SPATS2L: variants seen among roughly 807,000 people sequenced by gnomAD.
SPATS2L encodes the protein SPATS2-like protein.
In SPATS2L, 30 loss-of-function variants were observed where a neutral mutation model predicts 59.6. The ratio of observed to expected loss-of-function variants is 0.50; its 90% CI spans 0.38 to 0.68. The LOEUF is 0.68. SPATS2L is among the 30% of genes least tolerant of loss of function. The probability of loss-of-function intolerance (pLI) is 0.00; values close to 1 mark genes in which losing one functional copy is unlikely to be tolerated. For synonymous variants in SPATS2L, 252 were observed against 263.5 expected (o/e 0.96, Z 0.42); for missense variants, 615 against 700.0 (o/e 0.88, Z 1.37).
At chr2:200,328,926 A>G (rs1422761689) in intron 1 of SPATS2L, among the ~76,000 whole-genome samples, 2 of 152,216 alleles carry the variant, frequency 1.3e-5, no homozygotes, top group Non-Finnish European at 2.9e-5. Context: ...ATTTTGGTGA[A>G]TAGTCCAGGC....
intron 4 of SPATS2L, among the ~76,000 whole-genome samples, chr2:200,415,404 T>G (rs773094047): frequency 8.5e-5 from 13 of 152,288 alleles, no homozygotes; most frequent in Non-Finnish European, 1.8e-4. Flanking sequence ...GCCAACATAC[T>G]CCTTTTAGAG....
At chr2:200,314,317 C>T (rs1333631829) in intron 1 of SPATS2L, among the ~76,000 whole-genome samples, 1 of 152,182 alleles carries the variant, frequency 6.6e-6, no homozygotes, top group African/African-American at 2.4e-5. Context: ...TCTTTTCAGA[C>T]TCTCTTGAAT....
At chr2:200,371,636 A>G (rs2081429927) in intron 2 of SPATS2L, among the ~76,000 whole-genome samples, 1 of 152,242 alleles carries the variant, frequency 6.6e-6, no homozygotes, top group African/African-American at 2.4e-5. Flanking sequence ...TCTCAAGAAT[A>G]AAGTTCTCAA....
At chr2:200,393,599 A>G (rs765787378) in intron 3 of SPATS2L, among the ~76,000 whole-genome samples, 3 of 151,974 alleles carry the variant, frequency 2.0e-5, no homozygotes, top group Non-Finnish European at 2.9e-5. Context: ...AGGTTAATAG[A>G]TTTCTCAACT....
chr2:200,336,026 T>A (rs1192839765), intron 2 of SPATS2L, among the ~76,000 whole-genome samples: 1 of 152,236 alleles, frequency 6.6e-6, no homozygotes, highest in Non-Finnish European at 1.5e-5. Context: ...ATTTACAAAT[T>A]CTATATTTTA....
intron 8 of SPATS2L, among the ~76,000 whole-genome samples, chr2:200,444,492 G>T (rs2084904321): frequency 6.6e-6 from 1 of 152,148 alleles, no homozygotes; most frequent in South Asian, 2.1e-4. Flanking sequence ...GGTAGCGTGT[G>T]TGCTGGGCAT....
chr2:200,405,379 G>GC (rs2082657375), intron 3 of SPATS2L, among the ~76,000 whole-genome samples: 1 of 98,010 alleles, frequency 1.0e-5, no homozygotes, highest in Non-Finnish European at 2.2e-5. Flanking sequence ...CTGGTTTCCT[G>GC]CCAAAAAAAA....
Position 200,459,150 on chromosome 2 carries a change from G to A in SPATS2L, c.789-619G>A, listed in dbSNP as rs117037763. Among the ~76,000 whole-genome samples the A allele has an allele frequency of 9.2e-5, 14 of 152,308 alleles. No individual in the cohort carries two copies. In the East Asian group the frequency reaches 2.7e-3, roughly 29 times the overall value. On this transcript the variant is annotated intron_variant, in intron 8 of 12. Transcript: ENST00000409140. ...ACAGATCATTGTTAGCTTTATGCAG[G>A]TAATACCTTTTCGAAGGACTAACCA...
intron 1 of SPATS2L, among the ~76,000 whole-genome samples, chr2:200,308,013 G>A (rs780656286): frequency 6.6e-6 from 1 of 151,550 alleles, no homozygotes; most frequent in African/African-American, 2.4e-5. Flanking sequence ...CTCACAAGCC[G>A]ACAGACTTTA....
intron 8 of SPATS2L, among the ~76,000 whole-genome samples, chr2:200,447,388 C>T (rs3769445): frequency 0.034 from 5,166 of 152,212 alleles, 190 homozygotes; most frequent in East Asian, 0.16. Flanking sequence ...CTTACGGTGC[C>T]GTAGTGGTTG....
intron 2 of SPATS2L, among the ~76,000 whole-genome samples, chr2:200,364,661 A>C (rs545815194): frequency 2.4e-4 from 36 of 152,286 alleles, no homozygotes; most frequent in African/African-American, 8.4e-4. Context: ...CCATCCAGAT[A>C]CCACCCACTC....
At chr2:200,338,608 A>G (rs189256357) in intron 2 of SPATS2L, among the ~76,000 whole-genome samples, 19 of 152,366 alleles carry the variant, frequency 1.2e-4, no homozygotes, top group Middle Eastern at 3.4e-3. Flanking sequence ...ATTTACTCCA[A>G]TAGTTAGCAT....
intron 3 of SPATS2L, among the ~76,000 whole-genome samples, chr2:200,411,556 C>T (rs1196100147): frequency 2.6e-5 from 4 of 152,130 alleles, no homozygotes; most frequent in African/African-American, 9.7e-5. Flanking sequence ...ATCAATAGAA[C>T]ATTCTGTAGT....
At chr2:200,395,755 C>T (rs1221710088) in intron 3 of SPATS2L, among the ~76,000 whole-genome samples, 1 of 151,752 alleles carries the variant, frequency 6.6e-6, no homozygotes, top group African/African-American at 2.4e-5. Context: ...CATGGTGGCT[C>T]ACACCTGCAC....
At chr2:200,308,535 A>G (rs1437211900) in intron 1 of SPATS2L, among the ~76,000 whole-genome samples, 1 of 152,190 alleles carries the variant, frequency 6.6e-6, no homozygotes, top group African/African-American at 2.4e-5. Context: ...GTTAAAACCT[A>G]TTGTATGGAG....
intron 2 of SPATS2L, among the ~76,000 whole-genome samples, chr2:200,369,687 G>T (rs965089656): frequency 6.6e-6 from 1 of 151,684 alleles, no homozygotes; most frequent in East Asian, 1.9e-4. Flanking sequence ...ATAAAAAGCT[G>T]GTAAGAAACA....
chr2:200,423,044 T>C (rs1438610709), intron 6 of SPATS2L, among the ~76,000 whole-genome samples: 1 of 152,124 alleles, frequency 6.6e-6, no homozygotes, highest in Non-Finnish European at 1.5e-5. Flanking sequence ...GCATGGATAC[T>C]CTGGACGAAG....
intron 4 of SPATS2L, among the ~76,000 whole-genome samples, chr2:200,413,407 T>A (rs2082952831): frequency 6.6e-6 from 1 of 152,244 alleles, no homozygotes; most frequent in Middle Eastern, 3.2e-3. Context: ...TCCTATAATT[T>A]ACAACGTAAT....
chr2:200,381,753 T>C (rs947348394), intron 2 of SPATS2L, among the ~76,000 whole-genome samples: 3 of 152,188 alleles, frequency 2.0e-5, no homozygotes, highest in Non-Finnish European at 2.9e-5. Flanking sequence ...ACAAAATCAG[T>C]GCTGATTCTT....
Sources: gnomAD v4.1 joint callset for allele counts (sites outside exome capture counted in the v4.1 genomes callset) on GRCh38, gnomAD v4.1.1 for gene constraint, MANE v1.5 for transcripts, NCBI Gene and HGNC (gene_info 2026-07-23, HGNC 2026-07-21) for gene names.